The following UBE2D2 variants were observed in gnomAD, a reference collection of about 807,000 sequenced individuals.
The protein encoded by UBE2D2 is ubiquitin-conjugating enzyme E2 D2.
A neutral mutation model predicts 24.2 loss-of-function variants in UBE2D2; 2 were observed. That is an observed-to-expected ratio of 0.08 (90% CI 0.03 to 0.26). The LOEUF (loss-of-function observed/expected upper bound fraction) is 0.26. Ranked by LOEUF, UBE2D2 falls within the 10% of genes least tolerant of loss-of-function variation. The probability of loss-of-function intolerance (pLI) is 1.00; values close to 1 mark genes in which losing one functional copy is unlikely to be tolerated. For missense variants in UBE2D2, 44 were observed against 177.6 expected, an observed-to-expected ratio of 0.25 and a Z score of 4.28; for synonymous variants, 58 against 56.5, an observed-to-expected ratio of 1.03 and a Z score of -0.12.
intron 1 of UBE2D2, chr5:139,562,168 G>C (rs1753115643): frequency 7.4e-7 from 1 of 1,345,390 alleles, no homozygotes; most frequent in South Asian, 1.3e-5. Context: ...GCGCTGGGGC[G>C]TTGGGCGGCC....
chr5:139,534,051 G>T (rs1257003519), intron 1 of UBE2D2, among the ~76,000 whole-genome samples: 3 of 151,604 alleles, frequency 2.0e-5, no homozygotes, highest in African/African-American at 7.3e-5. Context: ...AAAGTGCTGG[G>T]ATTACAGGCG....
intron 1 of UBE2D2, among the ~76,000 whole-genome samples, chr5:139,583,724 T>C (rs1350597757): frequency 2.0e-5 from 3 of 152,204 alleles, no homozygotes; most frequent in African/African-American, 7.2e-5. Context: ...ATCATGCCAC[T>C]GCACTCTAGC....
chr5:139,583,380 C>T (rs558189505), intron 1 of UBE2D2, among the ~76,000 whole-genome samples: 2 of 152,178 alleles, frequency 1.3e-5, no homozygotes, highest in South Asian at 2.1e-4. Flanking sequence ...GTAATACATA[C>T]GTTAATTAGC....
intron 1 of UBE2D2, among the ~76,000 whole-genome samples, chr5:139,533,209 G>T (rs1309503361): frequency 6.6e-6 from 1 of 152,028 alleles, no homozygotes; most frequent in Non-Finnish European, 1.5e-5. Context: ...GTGAGAGATG[G>T]AGTCTCACTC....
At chr5:139,544,683 C>G (rs1002431441) in intron 1 of UBE2D2, among the ~76,000 whole-genome samples, 36 of 152,128 alleles carry the variant, frequency 2.4e-4, no homozygotes, top group African/African-American at 8.2e-4. Context: ...GTATAACTTA[C>G]AATAAATAGT....
At chr5:139,607,612 T>C (rs991307363) in intron 2 of UBE2D2, among the ~76,000 whole-genome samples, 3 of 152,244 alleles carry the variant, frequency 2.0e-5, no homozygotes, top group Admixed American at 1.3e-4. Flanking sequence ...TACATATGTT[T>C]AGTCCTGTTG....
At chr5:139,582,013 T>G (rs1404746922) in intron 1 of UBE2D2, among the ~76,000 whole-genome samples, 1 of 150,804 alleles carries the variant, frequency 6.6e-6, no homozygotes, top group Non-Finnish European at 1.5e-5. Context: ...GAAGATAGAG[T>G]CTCACTTTGT....
At chr5:139,623,335 C>A in intron 5 of UBE2D2, 33 bp from the exon 6 acceptor site, 1 of 1,509,002 alleles carries the variant, frequency 6.6e-7, no homozygotes, top group South Asian at 1.2e-5. Context: ...TGCTTTGATC[C>A]TCTGCTAATT....
intron 2 of UBE2D2, among the ~76,000 whole-genome samples, chr5:139,604,451 T>TA (rs1754153116): frequency 6.6e-6 from 1 of 152,056 alleles, no homozygotes; most frequent in South Asian, 2.1e-4. Context: ...TAAAAACTCC[T>TA]ATAACTCAGT....
intron 6 of UBE2D2, 54 bp downstream of exon 6, chr5:139,623,515 C>A: frequency 1.4e-6 from 2 of 1,457,566 alleles, no homozygotes; most frequent in South Asian, 1.2e-5. Context: ...AGATGTTTGT[C>A]ACAAATCTTT....
chr5:139,567,018 G>A (rs1361031602), intron 1 of UBE2D2, among the ~76,000 whole-genome samples: 1 of 152,128 alleles, frequency 6.6e-6, no homozygotes, highest in African/African-American at 2.4e-5. Context: ...GTAATCAGGA[G>A]TGTAAAAAGA....
At chr5:139,542,527 G>C (rs913716833) in intron 1 of UBE2D2, among the ~76,000 whole-genome samples, 1 of 152,030 alleles carries the variant, frequency 6.6e-6, no homozygotes, top group African/African-American at 2.4e-5. Flanking sequence ...TGCCGTGTTG[G>C]CTAGGCTGGT....
At chr5:139,612,448 T>A (rs1000680362) in intron 2 of UBE2D2, 1 of 152,288 alleles carries the variant, frequency 6.6e-6, no homozygotes, top group Admixed American at 6.5e-5. Context: ...CAGCAGACAT[T>A]AGAGATGAGG....
intron 1 of UBE2D2, among the ~76,000 whole-genome samples, chr5:139,580,492 C>T (rs1166897885): frequency 1.3e-4 from 20 of 152,192 alleles, no homozygotes; most frequent in East Asian, 5.8e-4. Flanking sequence ...AACGGAGTCT[C>T]GCTGCGTGAC....
chr5:139,540,222 C>G (rs1752737102), intron 1 of UBE2D2, among the ~76,000 whole-genome samples: 1 of 152,002 alleles, frequency 6.6e-6, no homozygotes, highest in Non-Finnish European at 1.5e-5. Flanking sequence ...CCGGGCTATA[C>G]TATAATTATA....
At chr5:139,532,173 C>CT (rs552161384) in intron 1 of UBE2D2, among the ~76,000 whole-genome samples, 9,212 of 135,746 alleles carry the variant, frequency 0.068, 356 homozygotes, top group African/African-American at 0.1. Flanking sequence ...ATTTATTCTA[C>CT]TTTTTTTTTT....
intron 2 of UBE2D2, among the ~76,000 whole-genome samples, chr5:139,612,753 C>T (rs769412057): frequency 3.9e-4 from 60 of 152,022 alleles, no homozygotes; most frequent in African/African-American, 5.8e-4. Flanking sequence ...GAGTGAGACT[C>T]GTGTATGTGT....
In UBE2D2 at chr5:139,536,961, C is replaced by T. The variant is rs1243658403; in HGVS notation, c.-64+10349C>T. Among the ~76,000 whole-genome samples, 39 of 152,038 alleles carry T rather than the reference C, an allele frequency of 2.6e-4. 1 individual carries two copies. The highest frequency in any genetic ancestry group is 1.9e-4 in the East Asian group (1 of 5,170). On this transcript the variant is annotated intron_variant, in intron 1 of 6. Transcript: ENST00000511725. ...TTGGGAGGCCAAGGCGGGCGGAACA[C>T]GAGGTCAGGAGATCGAGACCATCCT...
At chr5:139,615,928 C>T (rs911623697) in intron 5 of UBE2D2, among the ~76,000 whole-genome samples, 2 of 149,650 alleles carry the variant, frequency 1.3e-5, no homozygotes, top group African/African-American at 2.5e-5. Context: ...CTCCACCTCC[C>T]GGGTTCAAGC....
Sources: gnomAD v4.1 joint callset for allele counts (sites outside exome capture counted in the v4.1 genomes callset) on GRCh38, gnomAD v4.1.1 for gene constraint, MANE v1.5 for transcripts, NCBI Gene and HGNC (gene_info 2026-07-23, HGNC 2026-07-21) for gene names.